The following MALRD1 variants were observed in gnomAD, a reference collection of about 807,000 sequenced individuals.
MALRD1 encodes MAM and LDL-receptor class A domain-containing protein 1.
A neutral mutation model predicts 242.1 loss-of-function variants in MALRD1; 247 were observed. That is an observed-to-expected ratio of 1.02 (90% CI 0.92 to 1.13). The LOEUF is 1.13. MALRD1 is among the 50% of genes most tolerant of loss of function. The pLI is 0.00. For synonymous variants in MALRD1, 995 were observed against 866.6 expected (o/e 1.15, Z -2.60); for missense variants, 2,989 against 2,533.1 (o/e 1.18, Z -3.86).
chr10:19,505,868 T>C (rs1008102474), intron 31 of MALRD1, among the ~76,000 whole-genome samples: 1 of 152,100 alleles, frequency 6.6e-6, no homozygotes, highest in African/African-American at 2.4e-5. Flanking sequence ...AATGAGTCAG[T>C]GTCATAGTTG....
intron 19 of MALRD1, among the ~76,000 whole-genome samples, chr10:19,276,029 A>C (rs1463884952): frequency 6.6e-6 from 1 of 152,164 alleles, no homozygotes; most frequent in Non-Finnish European, 1.5e-5. Flanking sequence ...TGGCTGCCTA[A>C]ATTGGAGCAT....
intron 36 of MALRD1, among the ~76,000 whole-genome samples, chr10:19,672,829 G>A (rs572473290): frequency 6.6e-6 from 1 of 152,088 alleles, no homozygotes; most frequent in South Asian, 2.1e-4. Flanking sequence ...TAATTCACCA[G>A]TAAATTGATG....
chr10:19,417,335 A>C (rs764622023), intron 28 of MALRD1, among the ~76,000 whole-genome samples: 1 of 152,206 alleles, frequency 6.6e-6, no homozygotes, highest in Non-Finnish European at 1.5e-5. Context: ...TTTGGTGGAC[A>C]TTTTTAAGTT....
At chr10:19,164,920 G>GAAC (rs1834608406) in intron 12 of MALRD1, among the ~76,000 whole-genome samples, 1 of 151,978 alleles carries the variant, frequency 6.6e-6, no homozygotes, top group African/African-American at 2.4e-5. Flanking sequence ...AATTATTGAT[G>GAAC]AACAGTATCC....
chr10:19,393,600 C>T lies in MALRD1; in HGVS notation c.4845+3991C>T, dbSNP rs919630650. 8.0e-5 allele frequency among the ~76,000 whole-genome samples: 12 copies of T among 150,326 alleles called. No individual in the cohort carries two copies. The East Asian group carries it at 2.0e-3, about 25-fold the overall frequency. On this transcript the variant is annotated intron_variant, in intron 28 of 39. Transcript: ENST00000454679. Reference sequence around the variant, plus strand: ...AGCTGGGACTACAGGCGCCGGCCACCACGCCTGGCTAATTTTTTTTTTTTT... The same window carrying T: ...AGCTGGGACTACAGGCGCCGGCCACTACGCCTGGCTAATTTTTTTTTTTTT...
chr10:19,205,334 T>G, intron 17 of MALRD1, 69 bp downstream of exon 17: 1 of 1,455,602 alleles, frequency 6.9e-7, no homozygotes, highest in South Asian at 1.4e-5. Flanking sequence ...AATTCACTTT[T>G]GTCTTGCCAA....
At chr10:19,293,537 A>G (rs943711725) in intron 21 of MALRD1, among the ~76,000 whole-genome samples, 7 of 152,214 alleles carry the variant, frequency 4.6e-5, no homozygotes, top group Admixed American at 6.5e-5. Flanking sequence ...GATTTTATTC[A>G]AAGATATTTT....
intron 33 of MALRD1, among the ~76,000 whole-genome samples, chr10:19,590,315 GTATA>G (rs1837701835): frequency 6.8e-6 from 1 of 146,530 alleles, no homozygotes; most frequent in South Asian, 2.1e-4. Context: ...TGTTATATAT[GTATA>G]TATACATATT....
intron 28 of MALRD1, among the ~76,000 whole-genome samples, chr10:19,393,612 A>ATTTTTTT (rs71387075): frequency 1.5e-5 from 2 of 132,416 alleles, no homozygotes; most frequent in Non-Finnish European, 3.2e-5. Flanking sequence ...CGCCTGGCTA[A>ATTTTTTT]TTTTTTTTTT....
chr10:19,163,137 T>TAAAAAAA (rs58034381), intron 12 of MALRD1, among the ~76,000 whole-genome samples: 4 of 43,852 alleles, frequency 9.1e-5, no homozygotes, highest in Admixed American at 3.5e-4. Context: ...AAACCCTGTC[T>TAAAAAAA]AAAAAAAAAA....
chr10:19,621,349 T>C (rs962657869), intron 36 of MALRD1, among the ~76,000 whole-genome samples: 5 of 22,218 alleles, frequency 2.3e-4, no homozygotes, highest in African/African-American at 6.7e-4. Flanking sequence ...TGTAAAAATA[T>C]GTAAAAAAAA....
At chr10:19,451,029 C>A (rs1230688382) in intron 29 of MALRD1, among the ~76,000 whole-genome samples, 2 of 152,166 alleles carry the variant, frequency 1.3e-5, no homozygotes, top group Non-Finnish European at 2.9e-5. Flanking sequence ...GGAGAATAAA[C>A]AGTCAGACCA....
chr10:19,559,396 T>C (rs1835864328), intron 32 of MALRD1, among the ~76,000 whole-genome samples: 1 of 152,118 alleles, frequency 6.6e-6, no homozygotes, highest in African/African-American at 2.4e-5. Flanking sequence ...TACTTTAAAC[T>C]ATATGCATTC....
chr10:19,332,133 G>A (rs1787269874), intron 24 of MALRD1, among the ~76,000 whole-genome samples: 2 of 151,508 alleles, frequency 1.3e-5, no homozygotes, highest in Admixed American at 1.3e-4. Flanking sequence ...CAGAGTGCTG[G>A]GATTGCAGGC....
At chr10:19,148,788 A>AAAATAT (rs1206724666) in intron 11 of MALRD1, among the ~76,000 whole-genome samples, 2,085 of 87,834 alleles carry the variant, frequency 0.024, 40 homozygotes, top group East Asian at 0.041. Flanking sequence ...AAAAAAAAAA[A>AAAATAT]ATATATATAT....
At chr10:19,149,077 C>T (rs190676092) in intron 11 of MALRD1, among the ~76,000 whole-genome samples, 2,255 of 144,038 alleles carry the variant, frequency 0.016, 74 homozygotes, top group African/African-American at 0.055. Context: ...TCTATCTGTC[C>T]ATCTATCTAT....
chr10:19,393,741 C>T (rs539376554), intron 28 of MALRD1, among the ~76,000 whole-genome samples: 6 of 152,086 alleles, frequency 3.9e-5, no homozygotes, highest in African/African-American at 1.2e-4. Flanking sequence ...AGGCGTGAGC[C>T]ACCGCGCCCG....
intron 28 of MALRD1, among the ~76,000 whole-genome samples, chr10:19,392,723 T>C (rs1241849206): frequency 6.6e-6 from 1 of 152,232 alleles, no homozygotes; most frequent in Non-Finnish European, 1.5e-5. Flanking sequence ...AATTGAGAAA[T>C]TGATGTTAAT....
At chr10:19,150,318 T>A (rs891716179) in intron 11 of MALRD1, among the ~76,000 whole-genome samples, 1 of 152,146 alleles carries the variant, frequency 6.6e-6, no homozygotes, top group African/African-American at 2.4e-5. Flanking sequence ...AGCTATTCAT[T>A]TCAGGTGTTT....
Sources: allele counts gnomAD v4.1 joint callset (sites outside exome capture counted in the v4.1 genomes callset), GRCh38; gene constraint gnomAD v4.1.1; transcripts MANE v1.5; gene names NCBI Gene and HGNC (gene_info 2026-07-23, HGNC 2026-07-21).